SLC18A2: variants seen among roughly 807,000 people sequenced by gnomAD.
The protein encoded by SLC18A2 is synaptic vesicular amine transporter.
In SLC18A2, 33 loss-of-function variants were observed where a neutral mutation model predicts 59.2. The observed-to-expected ratio is 0.56, with a 90% CI of 0.42 to 0.75. The LOEUF is 0.75. Among genes scored for constraint, SLC18A2 ranks in the 30% least tolerant of loss-of-function variants. The pLI is 0.00. For synonymous variants in SLC18A2, 228 were observed against 253.5 expected (o/e 0.90, Z 0.95); for missense variants, 569 against 668.6 (o/e 0.85, Z 1.64).
In SLC18A2 at chr10:117,270,391, T is replaced by C; in HGVS notation, c.1368T>C (p.Ile456=). The C allele has an allele frequency of 1.2e-6, 2 of 1,613,930 alleles. No individual in the cohort carries two copies. Residue 456 remains isoleucine, a synonymous_variant, in exon 15 of 16, where the codon ATT becomes ATC. Transcript: ENST00000644641. ...GATTTCCATGGCTCATGACAATTAT[T>C]GGGATAATTGATATTCTTTTTGCCC... The part of the protein sequence containing the change: ...AIGFPWLMTI[I]GIIDILFAPL...
At chr10:117,259,617 T>C (rs2133737242) in intron 10 of SLC18A2, among the ~76,000 whole-genome samples, 1 of 152,360 alleles carries the variant, frequency 6.6e-6, no homozygotes, top group Admixed American at 6.5e-5. Flanking sequence ...TTTGTCTGCA[T>C]GTATAATTCT....
At chr10:117,265,833 TA>T (rs1844341399) in intron 10 of SLC18A2, among the ~76,000 whole-genome samples, 1 of 152,192 alleles carries the variant, frequency 6.6e-6, no homozygotes, top group African/African-American at 2.4e-5. Flanking sequence ...CTCACGCCTG[TA>T]ATCCCAGCAC....
intron 15 of SLC18A2, among the ~76,000 whole-genome samples, chr10:117,271,646 C>A (rs1844429268): frequency 6.6e-6 from 1 of 152,160 alleles, no homozygotes; most frequent in Non-Finnish European, 1.5e-5. Flanking sequence ...CAGACAGAAG[C>A]CATCCCCTTG....
Position 117,241,691 on chromosome 10 carries a change from G to T in SLC18A2, c.-3G>T. ...ACCGCGCCCGCAGCGGAGCCCCGGA[G>T]CCATGGCCCTGAGCGAGCTGGCGCT... On this transcript the variant is annotated 5_prime_UTR_variant, in exon 2 of 16. Transcript: ENST00000644641. The T allele has an allele frequency of 6.3e-7, 1 of 1,586,268 alleles. No individual in the cohort carries two copies. Among genetic ancestry groups the T allele is most frequent in the Non-Finnish European group, 8.6e-7 (1 of 1,168,156 alleles).
intron 14 of SLC18A2, 56 bp downstream of exon 14, chr10:117,270,246 T>G: frequency 1.2e-6 from 2 of 1,613,100 alleles, no homozygotes; most frequent in Non-Finnish European, 1.7e-6. Flanking sequence ...ATGGATAACG[T>G]CTACTAAAAT....
rs1844353369 is a variant in SLC18A2 at position 117,266,749 on chromosome 10, A to C, written c.1008A>C (p.Pro336=). Residue 336 remains proline (P), a synonymous_variant, in exon 11 of 16, where the codon CCA becomes CCC. Transcript: ENST00000644641. ...RKWQLGVAFL[P]ASISYLIGTN... Reference sequence around the variant, plus strand: ...AATTTACAGGCGTTGCCTTCTTGCCAGCTAGTATCTCTTATCTCATTGGAA... The same window carrying C: ...AATTTACAGGCGTTGCCTTCTTGCCCGCTAGTATCTCTTATCTCATTGGAA... The C allele has an allele frequency of 6.2e-7, 1 of 1,613,654 alleles. No individual in the cohort carries two copies.
Position 117,257,754 on chromosome 10 carries a change from A to AGAG in SLC18A2, c.896-38_896-36dup, listed in dbSNP as rs1378134376. The AGAG allele has an allele frequency of 2.3e-6, 3 of 1,324,196 alleles. No homozygotes were observed. The East Asian group carries it at 7.2e-5, about 32-fold the overall frequency. The allele number at this position is 1,324,196 out of a possible 1,614,324, so 82.0% of individuals were successfully genotyped here. Reference sequence around the variant, plus strand: ...GAGTCTAACTGTGCCTGGAAATGAGAGAGGAGGCAGAAGCCACTACAAAGC... The same window carrying AGAG: ...GAGTCTAACTGTGCCTGGAAATGAGAGAGGAGGAGGCAGAAGCCACTACAAAGC... On this transcript the variant is annotated intron_variant, in intron 9 of 15. Transcript: ENST00000644641.
In SLC18A2 at chr10:117,278,185, G is replaced by A. The variant is rs2133751494; in HGVS notation, c.*919G>A. 6.6e-6 allele frequency: 1 copy of A among 152,266 alleles called. No individual in the cohort carries two copies. Among genetic ancestry groups the A allele is most frequent in the South Asian group, 2.1e-4 (1 of 4,826 alleles). The allele number at this position is 152,266 out of a possible 1,614,324, so 9.4% of individuals were successfully genotyped here. A position where few individuals can be genotyped will look rare whatever the true frequency, so the allele number is the denominator to read the frequency against. On this transcript the variant is annotated 3_prime_UTR_variant, in exon 16 of 16. Coordinates refer to ENST00000644641, the MANE Select transcript of SLC18A2 (RefSeq NM_003054.6). ...AACAGCTGCTCTGACTTTAATATCT[G>A]ACTATATCTTTGATCTGTTTGCAGG...
rs778930963 is a variant in SLC18A2 at position 117,255,606 on chromosome 10, G to A, written c.844G>A (p.Gly282Arg). Residue 282 changes from glycine (G) to arginine (R), a missense_variant, in exon 9 of 16, where the codon GGG becomes AGG. This residue lies in a region of SLC18A2 where 377 missense variants were observed against 389.8 expected (regional missense o/e 0.97). Transcript: ENST00000644641. ...GTTTTTTTCTTGACAGAGTCAGAAG[G>A]GGACACCCCTAACCACGCTGCTGAA... ...PSRVQPESQK[G>R]TPLTTLLKDP... 1.9e-6 allele frequency: 3 copies of A among 1,614,112 alleles called. No homozygotes were observed. The highest frequency in any genetic ancestry group is 1.3e-5 in the African/African-American group (1 of 75,052).
At chr10:117,254,156 T>C in intron 5 of SLC18A2, 25 bp downstream of exon 5, 1 of 1,608,268 alleles carries the variant, frequency 6.2e-7, no homozygotes, top group Non-Finnish European at 8.5e-7. Context: ...CCTGAGTGAG[T>C]TCGTGAGGGG....
chr10:117,258,907 C>T (rs1468926501), intron 10 of SLC18A2, among the ~76,000 whole-genome samples: 1 of 152,064 alleles, frequency 6.6e-6, no homozygotes, highest in Non-Finnish European at 1.5e-5. Context: ...GCTGGGATTA[C>T]AGGCACGTGC....
At chr10:117,266,953 CA>C in intron 11 of SLC18A2, 30 bp from the exon 12 acceptor site, 1 of 1,605,704 alleles carries the variant, frequency 6.2e-7, no homozygotes. Flanking sequence ...ATCAAATGAT[CA>C]TTTCTTGATG....
At chr10:117,276,456 AC>A (rs1844491803) in intron 15 of SLC18A2, among the ~76,000 whole-genome samples, 1 of 151,736 alleles carries the variant, frequency 6.6e-6, no homozygotes, top group Admixed American at 6.6e-5. Flanking sequence ...TACTAGAAAT[AC>A]AAAAAAAGTA....
chr10:117,250,054 G>A (rs1844144859), intron 3 of SLC18A2, among the ~76,000 whole-genome samples: 1 of 152,192 alleles, frequency 6.6e-6, no homozygotes, highest in South Asian at 2.1e-4. Flanking sequence ...AGCAGAAAGG[G>A]TTTGGTCCTT....
In SLC18A2 at chr10:117,275,604, T is replaced by C. The variant is rs79529191; in HGVS notation, c.1441-1558T>C. Among the ~76,000 whole-genome samples the C allele has an allele frequency of 9.3e-3, 1,415 of 152,304 alleles. 25 individuals carry two copies. The highest frequency in any genetic ancestry group is 0.032 in the African/African-American group (1,349 of 41,564). ...CAGGCGGCTCCTGTCTGCCCCATCC[T>C]AGCTGTACACCCCTCGGTCAAATTC... On this transcript the variant is annotated intron_variant, in intron 15 of 15. Transcript: ENST00000644641.
chr10:117,242,057 A>C (rs1398853719), intron 2 of SLC18A2: 1 of 385,536 alleles, frequency 2.6e-6, no homozygotes, highest in African/African-American at 2.1e-5. Flanking sequence ...CCCAGAACTT[A>C]TGTTTCCCCC....
At chr10:117,258,406 A>G (rs1481292587) in intron 10 of SLC18A2, among the ~76,000 whole-genome samples, 1 of 152,116 alleles carries the variant, frequency 6.6e-6, no homozygotes, top group Non-Finnish European at 1.5e-5. Context: ...CTTTTTCTAG[A>G]TGGTTCTGTG....
At chr10:117,245,809 A>G (rs766056883) in intron 3 of SLC18A2, among the ~76,000 whole-genome samples, 9 of 152,146 alleles carry the variant, frequency 5.9e-5, no homozygotes, top group Admixed American at 6.5e-5. Flanking sequence ...CCTTGGACAC[A>G]TGGAGCTTGA....
At chr10:117,259,864 CAT>C (rs932050851) in intron 10 of SLC18A2, among the ~76,000 whole-genome samples, 3 of 152,206 alleles carry the variant, frequency 2.0e-5, no homozygotes, top group African/African-American at 7.2e-5. Context: ...TGGGGAACCC[CAT>C]GTTACAATTC....
Sources: gnomAD v4.1 joint callset for allele counts (sites outside exome capture counted in the v4.1 genomes callset) on GRCh38, gnomAD v4.1.1 for gene constraint, gnomAD v4.1.1 regional missense constraint, MANE v1.5 for transcripts, NCBI Gene and HGNC (gene_info 2026-07-23, HGNC 2026-07-21) for gene names.